LRMDA: variants seen among roughly 807,000 people sequenced by gnomAD.
LRMDA encodes the protein leucine rich melanocyte differentiation associated.
Under a neutral mutation model 29.8 loss-of-function variants are expected in LRMDA, and 18 were observed. That is an observed-to-expected ratio of 0.60 (90% CI 0.42 to 0.90). The LOEUF is 0.90. LRMDA is among the 40% of genes least tolerant of loss of function. The pLI, the probability that LRMDA is intolerant of heterozygous loss-of-function variation, is 0.00. For missense variants in LRMDA, 273 were observed against 273.9 expected (o/e 1.00, Z 0.02); for synonymous variants, 125 against 109.4 (o/e 1.14, Z -0.89).
intron 5 of LRMDA, among the ~76,000 whole-genome samples, chr10:76,227,062 C>G (rs1851972364): frequency 6.6e-6 from 1 of 152,192 alleles, no homozygotes; most frequent in African/African-American, 2.4e-5. Flanking sequence ...TACCTGTTAT[C>G]TGAATCACAT....
intron 5 of LRMDA, among the ~76,000 whole-genome samples, chr10:76,199,802 G>C (rs1417242226): frequency 6.6e-6 from 1 of 152,178 alleles, no homozygotes; most frequent in African/African-American, 2.4e-5. Flanking sequence ...GAGAGAGTTT[G>C]TGCATTAGCC....
At chr10:75,984,074 C>T (rs924843543) in intron 2 of LRMDA, among the ~76,000 whole-genome samples, 2 of 152,180 alleles carry the variant, frequency 1.3e-5, no homozygotes, top group African/African-American at 4.8e-5. Flanking sequence ...ACTAGCCGTG[C>T]ACCACAAGGT....
intron 6 of LRMDA, chr10:76,535,669 A>G (rs769461675): frequency 1.3e-5 from 2 of 152,222 alleles, no homozygotes; most frequent in African/African-American, 2.4e-5. Context: ...AGTACATTAA[A>G]CATACATATA....
intron 5 of LRMDA, among the ~76,000 whole-genome samples, chr10:76,162,349 A>G (rs1460749943): frequency 5.9e-5 from 9 of 152,340 alleles, no homozygotes; most frequent in Middle Eastern, 3.4e-3. Context: ...TACTAGCCCT[A>G]TGAATTTGGG....
intron 2 of LRMDA, among the ~76,000 whole-genome samples, chr10:75,528,810 A>C (rs1035043874): frequency 2.6e-5 from 4 of 152,206 alleles, no homozygotes; most frequent in Non-Finnish European, 5.9e-5. Flanking sequence ...AAGAAAACAC[A>C]AAAAACCTAG....
At chr10:75,799,730 G>A (rs1258086937) in intron 2 of LRMDA, among the ~76,000 whole-genome samples, 1 of 148,990 alleles carries the variant, frequency 6.7e-6, no homozygotes, top group East Asian at 2.0e-4. Flanking sequence ...GTGTTTAGTA[G>A]AGACGGGGTT....
intron 5 of LRMDA, among the ~76,000 whole-genome samples, chr10:76,108,499 T>C (rs1425864035): frequency 1.3e-5 from 2 of 152,160 alleles, no homozygotes; most frequent in Admixed American, 1.3e-4. Flanking sequence ...TGTGTGTATA[T>C]ACGTGCAAAG....
At chr10:76,431,514 C>G (rs768162465) in intron 6 of LRMDA, among the ~76,000 whole-genome samples, 5 of 152,174 alleles carry the variant, frequency 3.3e-5, no homozygotes, top group Non-Finnish European at 7.3e-5. Context: ...CTGTATGTAG[C>G]TCAGTTTTCT....
chr10:76,368,921 C>T (rs1400236077), intron 6 of LRMDA, among the ~76,000 whole-genome samples: 1 of 152,064 alleles, frequency 6.6e-6, no homozygotes, highest in Non-Finnish European at 1.5e-5. Context: ...AATAGCTACC[C>T]CTACTTGTTT....
intron 6 of LRMDA, among the ~76,000 whole-genome samples, chr10:76,514,527 T>C (rs1843040387): frequency 6.6e-6 from 1 of 152,184 alleles, no homozygotes; most frequent in African/African-American, 2.4e-5. Context: ...CAAGTCAGTT[T>C]GTTTGGCTTG....
chr10:75,591,229 GC>G (rs938204658), intron 2 of LRMDA, among the ~76,000 whole-genome samples: 1 of 152,066 alleles, frequency 6.6e-6, no homozygotes, highest in African/African-American at 2.4e-5. Context: ...AATGAAGACT[GC>G]CCCCCCACCC....
chr10:76,321,625 A>G (rs1199143631), intron 5 of LRMDA, among the ~76,000 whole-genome samples: 1 of 152,152 alleles, frequency 6.6e-6, no homozygotes, highest in Non-Finnish European at 1.5e-5. Context: ...ATGTAAAACT[A>G]TAATTCCTTG....
intron 5 of LRMDA, among the ~76,000 whole-genome samples, chr10:76,158,050 T>C (rs978223066): frequency 6.6e-6 from 1 of 152,182 alleles, no homozygotes; most frequent in African/African-American, 2.4e-5. Flanking sequence ...TGGTCCATTG[T>C]TGACTGAAAT....
chr10:75,625,641 G>A (rs1340996585), intron 2 of LRMDA, among the ~76,000 whole-genome samples: 1 of 152,126 alleles, frequency 6.6e-6, no homozygotes, highest in Non-Finnish European at 1.5e-5. Flanking sequence ...GCTACAGCTT[G>A]TTAATTTCTC....
chr10:75,993,567 T>G (rs1162786512), intron 2 of LRMDA, among the ~76,000 whole-genome samples: 2 of 152,010 alleles, frequency 1.3e-5, no homozygotes, highest in African/African-American at 4.8e-5. Flanking sequence ...ACTCCATCTC[T>G]ACTAAAAATA....
intron 5 of LRMDA, among the ~76,000 whole-genome samples, chr10:76,190,703 C>T (rs889048479): frequency 2.6e-5 from 4 of 152,106 alleles, no homozygotes; most frequent in South Asian, 2.1e-4. Context: ...ACAAAGCTGC[C>T]CTCCCTGCCT....
At chr10:75,980,576 T>C (rs1383933442) in intron 2 of LRMDA, among the ~76,000 whole-genome samples, 1 of 152,190 alleles carries the variant, frequency 6.6e-6, no homozygotes, top group African/African-American at 2.4e-5. Context: ...GACCCGTGCG[T>C]GTCTGGCTAA....
intron 2 of LRMDA, among the ~76,000 whole-genome samples, chr10:75,709,626 G>T (rs540376916): frequency 6.6e-6 from 1 of 152,288 alleles, no homozygotes; most frequent in Admixed American, 6.5e-5. Flanking sequence ...GGAAGCCAAG[G>T]TCCTTCTCAG....
chr10:75,472,606 C>A (rs1014644801), intron 2 of LRMDA, among the ~76,000 whole-genome samples: 1 of 152,150 alleles, frequency 6.6e-6, no homozygotes, highest in Non-Finnish European at 1.5e-5. Flanking sequence ...TATTGAGTTG[C>A]GTTATTGGAC....
Sources: allele counts gnomAD v4.1 joint callset (sites outside exome capture counted in the v4.1 genomes callset), GRCh38; gene constraint gnomAD v4.1.1; transcripts MANE v1.5; gene names NCBI Gene and HGNC (gene_info 2026-07-23, HGNC 2026-07-21).